Variants in UGP2 observed in about 807,000 individuals in gnomAD.
UGP2 encodes UDP-glucose pyrophosphorylase 2.
A neutral mutation model predicts 49.0 loss-of-function variants in UGP2; 40 were observed. The observed-to-expected ratio is 0.82, with a 90% confidence interval of 0.63 to 1.06. UGP2 has a LOEUF of 1.06. UGP2 is among the 50% of genes least tolerant of loss of function. The pLI is 0.00. For missense variants in UGP2, 460 were observed against 603.5 expected (o/e 0.76, Z 2.49); for synonymous variants, 225 against 213.0 (o/e 1.06, Z -0.49).
intron 5 of UGP2, among the ~76,000 whole-genome samples, chr2:63,885,356 C>T (rs1210414389): frequency 6.6e-6 from 1 of 152,120 alleles, no homozygotes; most frequent in African/African-American, 2.4e-5. Flanking sequence ...GTCCTCCCAT[C>T]TGTATGACCA....
chr2:63,886,320 C>G (rs1261559635), intron 6 of UGP2, 21 bp from the exon 7 acceptor site: 1 of 1,611,094 alleles, frequency 6.2e-7, no homozygotes. Flanking sequence ...TGGAGGCACT[C>G]ACTATTTTCT....
At chr2:63,862,458 A>C (rs1207665467) in intron 3 of UGP2, among the ~76,000 whole-genome samples, 2 of 152,190 alleles carry the variant, frequency 1.3e-5, no homozygotes, top group East Asian at 3.8e-4. Flanking sequence ...CTTCGTGTAC[A>C]GGACTTTCAG....
intron 6 of UGP2, 127 bp downstream of exon 6, chr2:63,886,013 ATAG>A: frequency 1.9e-6 from 2 of 1,080,460 alleles, no homozygotes; most frequent in Non-Finnish European, 2.5e-6. Flanking sequence ...GTTTGACATA[ATAG>A]TATGTATCAT....
At chr2:63,876,250 T>C (rs891175826) in intron 3 of UGP2, among the ~76,000 whole-genome samples, 1 of 152,120 alleles carries the variant, frequency 6.6e-6, no homozygotes, top group Non-Finnish European at 1.5e-5. Context: ...GGGTGATTTA[T>C]GTGATGGAAA....
At chr2:63,842,600 G>A (rs1265861651) in intron 1 of UGP2, 2 of 1,460,688 alleles carry the variant, frequency 1.4e-6, no homozygotes, top group East Asian at 2.5e-5. Flanking sequence ...GAAAAGCCGG[G>A]TGGGTTTTGC....
intron 8 of UGP2, chr2:63,889,010 T>C (rs1379799088): frequency 6.6e-6 from 1 of 152,178 alleles, no homozygotes. Flanking sequence ...GCTGTGGATG[T>C]GTAGAATGCA....
intron 8 of UGP2, 117 bp downstream of exon 8, chr2:63,887,761 T>C (rs910424240): frequency 3.0e-6 from 4 of 1,335,106 alleles, no homozygotes; most frequent in Non-Finnish European, 3.1e-6. Context: ...GTTGTATTCC[T>C]CTGTCTTTGA....
intron 1 of UGP2, among the ~76,000 whole-genome samples, chr2:63,845,513 T>C (rs866573099): frequency 4.9e-4 from 65 of 133,168 alleles, no homozygotes; most frequent in South Asian, 4.8e-4. Context: ...CTAGGTGTTA[T>C]TATGTTAAAA....
At chr2:63,853,655 C>T (rs929291079) in intron 1 of UGP2, among the ~76,000 whole-genome samples, 2 of 152,012 alleles carry the variant, frequency 1.3e-5, no homozygotes, top group Non-Finnish European at 2.9e-5. Flanking sequence ...ATTTTGTTTG[C>T]GCCAGTGTCA....
Position 63,856,291 on chromosome 2 carries a change from T to C in UGP2, c.20-15T>C. 3 of 1,608,500 alleles carry C rather than the reference T, an allele frequency of 1.9e-6. No individual in the cohort carries two copies. Among genetic ancestry groups the C allele is most frequent in the Non-Finnish European group, 2.5e-6 (3 of 1,178,236 alleles). On this transcript the variant is annotated splice_polypyrimidine_tract_variant and intron_variant, in intron 1 of 9. Transcript: ENST00000337130. Reference sequence around the variant, plus strand: ...CTGGAGTTTTCAGTTGGTGGTTTTATGTTTTTGTTTTAAGATCTTAGCAAA... The same window carrying C: ...CTGGAGTTTTCAGTTGGTGGTTTTACGTTTTTGTTTTAAGATCTTAGCAAA...
intron 3 of UGP2, among the ~76,000 whole-genome samples, chr2:63,870,713 G>T (rs1670490514): frequency 6.6e-6 from 1 of 152,202 alleles, no homozygotes; most frequent in Non-Finnish European, 1.5e-5. Flanking sequence ...TTTGAGTGCT[G>T]CCAACGCTGG....
chr2:63,848,096 A>C (rs1203908987), intron 1 of UGP2, among the ~76,000 whole-genome samples: 1 of 152,184 alleles, frequency 6.6e-6, no homozygotes, highest in Non-Finnish European at 1.5e-5. Context: ...AATATGAATA[A>C]ATTAGTAGGG....
chr2:63,853,624 A>G (rs912167682), intron 1 of UGP2, among the ~76,000 whole-genome samples: 1 of 152,122 alleles, frequency 6.6e-6, no homozygotes, highest in Admixed American at 6.5e-5. Context: ...CCTGTGCATT[A>G]TGAAACTAGC....
chr2:63,889,287 G>T (rs1394847589), intron 8 of UGP2: 1 of 152,046 alleles, frequency 6.6e-6, no homozygotes, highest in Admixed American at 6.6e-5. Context: ...AGGAATATAG[G>T]ATTTGAGTTT....
intron 1 of UGP2, chr2:63,855,541 T>TTTC (rs1669350373): frequency 4.7e-6 from 1 of 211,468 alleles, no homozygotes; most frequent in Non-Finnish European, 9.0e-6. Context: ...TTTTTTTTTT[T>TTTC]CTCTTTTCTT....
chr2:63,877,156 G>GT (rs1376331397), intron 3 of UGP2, among the ~76,000 whole-genome samples: 1 of 152,254 alleles, frequency 6.6e-6, no homozygotes, highest in Admixed American at 6.5e-5. Context: ...TGGTTATCTG[G>GT]TAGATTGCTT....
intron 4 of UGP2, 90 bp from the exon 5 acceptor site, chr2:63,883,869 AT>A: frequency 6.8e-7 from 1 of 1,466,308 alleles, no homozygotes; most frequent in Non-Finnish European, 9.2e-7. Context: ...TGTTTTAGAT[AT>A]TTTATGATTT....
intron 9 of UGP2, 92 bp downstream of exon 9, chr2:63,890,277 T>G: frequency 1.1e-6 from 1 of 923,074 alleles, no homozygotes; most frequent in South Asian, 1.8e-5. Flanking sequence ...TAAGGAATAC[T>G]TGTTAGTCTT....
intron 3 of UGP2, among the ~76,000 whole-genome samples, chr2:63,864,350 A>G (rs1670039005): frequency 6.6e-6 from 1 of 152,238 alleles, no homozygotes; most frequent in Admixed American, 6.5e-5. Flanking sequence ...TGTAGTAACA[A>G]CAAGGAGTAC....
Sources: gnomAD v4.1 joint callset for allele counts (sites outside exome capture counted in the v4.1 genomes callset) on GRCh38, gnomAD v4.1.1 for gene constraint, MANE v1.5 for transcripts, NCBI Gene and HGNC (gene_info 2026-07-23, HGNC 2026-07-21) for gene names.